Variants in LRP2 observed in about 807,000 individuals in gnomAD.
The protein encoded by LRP2 is low-density lipoprotein receptor-related protein 2.
Under a neutral mutation model 531.0 loss-of-function variants are expected in LRP2, and 172 were observed. The observed-to-expected ratio is 0.32, with a 90% CI of 0.29 to 0.37. LRP2 has a LOEUF of 0.37. LRP2 is among the 10% of genes least tolerant of loss of function. The pLI is 1.00. For missense variants in LRP2, 5,167 were observed against 5,868.3 expected (o/e 0.88, Z 3.90); for synonymous variants, 1,992 against 2,027.6 (o/e 0.98, Z 0.47).
Position 169,279,528 on chromosome 2 carries a change from T to C in LRP2, c.1409A>G (p.Glu470Gly). 2 of 1,613,986 alleles carry C rather than the reference T, an allele frequency of 1.2e-6. No individual in the cohort carries two copies. Among genetic ancestry groups the C allele is most frequent in the Non-Finnish European group, 1.7e-6 (2 of 1,179,868 alleles). ...EVLNVSVETP[E>G]NLAVDWVNNK... ...ATTAACCCAGTCCACAGCCAGGTTC[T>C]CTGGGGTTTCAACAGAAACATTGAG... The change falls in exon 12 of 79, where the codon GAG (glutamate) becomes GGG (glycine). Residue 470 changes from glutamate (E) to glycine (G), a missense_variant. Coordinates refer to ENST00000649046, the MANE Select transcript of LRP2 (RefSeq NM_004525.3).
In LRP2 at chr2:169,256,162, C is replaced by T. The variant is rs1393755698; in HGVS notation, c.2714G>A (p.Arg905Lys). 6.2e-7 allele frequency: 1 copy of T among 1,613,046 alleles called. No homozygotes were observed. Among genetic ancestry groups the T allele is most frequent in the Admixed American group, 1.7e-5 (1 of 59,942 alleles). ...EHSTFDGLDR[R>K]RLGHIEQMTH... Reference sequence around the variant, plus strand: ...CATCTGCTCTATATGGCCCAGTCTTCTTCTGTCTAAACCATCAAAGGTGCT... The same window carrying T: ...CATCTGCTCTATATGGCCCAGTCTTTTTCTGTCTAAACCATCAAAGGTGCT... Residue 905 changes from arginine to lysine, a missense_variant, in exon 19 of 79, where the codon AGA becomes AAA. This residue lies in a region of LRP2 where 2,811 missense variants were observed against 3,058.0 expected (regional missense o/e 0.92). Transcript: ENST00000649046.
At chr2:169,310,972 T>G (rs1684580411) in intron 3 of LRP2, among the ~76,000 whole-genome samples, 1 of 152,228 alleles carries the variant, frequency 6.6e-6, no homozygotes. Context: ...CTTCTAGATT[T>G]TCTAGTTGAT....
At chr2:169,162,430 C>T in intron 63 of LRP2, 42 bp downstream of exon 63, 2 of 1,610,934 alleles carry the variant, frequency 1.2e-6, no homozygotes, top group East Asian at 2.2e-5. Flanking sequence ...TTAGGTAAAC[C>T]TGAGTTACTA....
In LRP2 at chr2:169,257,220, G is replaced by A; in HGVS notation, c.2543C>T (p.Pro848Leu). ...GYLFFTDWFR[P>L]AKIMRAWSDG... ...ACTCCATGCTCTCATAATTTTAGCA[G>A]GACGGAACCAATCAGTGAAGAATAG... The change falls in exon 18 of 79, where the codon CCT becomes CTT. Residue 848 changes from proline (P) to leucine (L), a missense_variant. Coordinates refer to ENST00000649046, the MANE Select transcript of LRP2 (RefSeq NM_004525.3). 1 of 1,612,828 alleles carries A rather than the reference G, an allele frequency of 6.2e-7. No homozygotes were observed. The highest frequency in any genetic ancestry group is 8.5e-7 in the Non-Finnish European group (1 of 1,179,144).
Position 169,146,655 on chromosome 2 carries a change from G to A in LRP2, c.12811+84C>T, listed in dbSNP as rs1685924812. The A allele has an allele frequency of 2.6e-6, 3 of 1,168,676 alleles. No homozygotes were observed. In the South Asian group the frequency reaches 4.1e-5, roughly 16 times the overall value. 72.4% of individuals were successfully genotyped at this position (1,168,676 alleles called of 1,614,324 possible). ...TATATAAGCCATTTCCTAAGAGCAG[G>A]GCTCCTTCTTGAGAAAACAGGCAAA... On this transcript the variant is annotated intron_variant, in intron 69 of 78. Coordinates refer to ENST00000649046, the MANE Select transcript of LRP2 (RefSeq NM_004525.3).
chr2:169,282,899 C>T lies in LRP2; in HGVS notation c.1145G>A (p.Gly382Glu). The T allele has an allele frequency of 1.9e-6, 3 of 1,614,068 alleles. No individual in the cohort carries two copies. The highest frequency in any genetic ancestry group is 1.7e-6 in the Non-Finnish European group (2 of 1,179,940). ...GGAATCATTAGCTTTGCAATACTGT[C>T]CACGCTCCAAGATATACCCTTCTTC... ...HCEEGYILERGQYCKANDSFG... is the reference protein window; with the variant it reads ...HCEEGYILEREQYCKANDSFG... Residue 382 changes from glycine to glutamate, a missense_variant, in exon 10 of 79, where the codon GGA becomes GAA. Coordinates refer to ENST00000649046, the MANE Select transcript of LRP2 (RefSeq NM_004525.3).
chr2:169,351,569 T>C (rs1685849681), intron 1 of LRP2, among the ~76,000 whole-genome samples: 1 of 152,218 alleles, frequency 6.6e-6, no homozygotes, highest in Non-Finnish European at 1.5e-5. Flanking sequence ...GTTTATGGAA[T>C]TCTCTTCTGG....
intron 27 of LRP2, among the ~76,000 whole-genome samples, chr2:169,237,736 G>A (rs906388552): frequency 1.3e-5 from 2 of 152,160 alleles, no homozygotes; most frequent in Non-Finnish European, 2.9e-5. Context: ...GAGATGGATT[G>A]AGAAATATCA....
chr2:169,259,283 A>C, intron 16 of LRP2, 66 bp from the exon 17 acceptor site: 2 of 1,155,660 alleles, frequency 1.7e-6, no homozygotes, highest in Non-Finnish European at 2.6e-6. Flanking sequence ...TTTTCCTACT[A>C]ATGCACACTG....
At chr2:169,128,917 A>C (rs1685188124) in intron 78 of LRP2, 87 bp from the exon 79 acceptor site, 1 of 1,554,582 alleles carries the variant, frequency 6.4e-7, no homozygotes, top group Non-Finnish European at 8.9e-7. Flanking sequence ...ATTTGTGGCC[A>C]CTCTGCTCAG....
chr2:169,137,103 C>T (rs1250279147), intron 76 of LRP2, among the ~76,000 whole-genome samples: 1 of 152,256 alleles, frequency 6.6e-6, no homozygotes, highest in Non-Finnish European at 1.5e-5. Context: ...CCTGAAGGGA[C>T]TCAGACCTCT....
chr2:169,182,438 T>C (rs758949401), intron 50 of LRP2, 119 bp from the exon 51 acceptor site: 22 of 1,582,812 alleles, frequency 1.4e-5, no homozygotes, highest in Non-Finnish European at 1.8e-5. Context: ...GAAGTCACCT[T>C]TCTTCAGGCA....
Position 169,185,647 on chromosome 2 carries a change from A to G in LRP2, c.9701T>C (p.Phe3234Ser). ...EGLDNVVALD[F>S]DRVEKRLYWI... ...ATACAATCTCTTCTCTACTCGGTCA[A>G]AATCTAATGCCACAACATTGTCCAG... Residue 3234 changes from phenylalanine to serine, a missense_variant, in exon 50 of 79, where the codon TTT becomes TCT. Coordinates refer to ENST00000649046, the MANE Select transcript of LRP2 (RefSeq NM_004525.3). 1.9e-6 allele frequency: 3 copies of G among 1,614,192 alleles called. No individual in the cohort carries two copies. Among genetic ancestry groups the G allele is most frequent in the African/African-American group, 1.3e-5 (1 of 75,048 alleles).
chr2:169,211,028 G>C (rs564090308), intron 37 of LRP2, among the ~76,000 whole-genome samples: 3 of 152,088 alleles, frequency 2.0e-5, no homozygotes, highest in Non-Finnish European at 2.9e-5. Flanking sequence ...GAAAAGCTGG[G>C]AGAAAAAAAC....
At chr2:169,173,878 C>T (rs756373746) in intron 56 of LRP2, 41 bp downstream of exon 56, 1 of 1,613,052 alleles carries the variant, frequency 6.2e-7, no homozygotes, top group Non-Finnish European at 8.5e-7. Flanking sequence ...CCTCGTGTCT[C>T]CCTGCTCTGG....
At chr2:169,147,085 CCA>C in intron 68 of LRP2, 126 bp from the exon 69 acceptor site, 2 of 749,324 alleles carry the variant, frequency 2.7e-6, no homozygotes, top group South Asian at 1.5e-5. Context: ...CTCAGTGACA[CCA>C]GTTTTATATT....
At chr2:169,181,374 T>G in intron 52 of LRP2, 74 bp downstream of exon 52, 1 of 1,459,102 alleles carries the variant, frequency 6.9e-7, no homozygotes, top group South Asian at 1.1e-5. Flanking sequence ...AGGGGACTAA[T>G]AGACTGGAAT....
chr2:169,197,597 A>G (rs138247191), intron 45 of LRP2, among the ~76,000 whole-genome samples: 7 of 152,346 alleles, frequency 4.6e-5, no homozygotes, highest in Non-Finnish European at 4.4e-5. Context: ...AGCTCTGGTT[A>G]TATGCATTTT....
chr2:169,138,481 G>T, intron 75 of LRP2, 96 bp downstream of exon 75: 1 of 1,345,878 alleles, frequency 7.4e-7, no homozygotes, highest in Non-Finnish European at 1.0e-6. Flanking sequence ...GCCTAATACT[G>T]TATTTCAGTC....
Sources: allele counts gnomAD v4.1 joint callset (sites outside exome capture counted in the v4.1 genomes callset), GRCh38; gene constraint gnomAD v4.1.1; regional missense constraint gnomAD v4.1.1; transcripts MANE v1.5; gene names NCBI Gene and HGNC (gene_info 2026-07-23, HGNC 2026-07-21).